The following VNN1 variants were observed in gnomAD, a reference collection of about 807,000 sequenced individuals.
VNN1 encodes pantetheinase.
Under a neutral mutation model 41.9 loss-of-function variants are expected in VNN1, and 29 were observed. The ratio of observed to expected loss-of-function variants is 0.69; its 90% CI spans 0.52 to 0.94. VNN1 has a LOEUF of 0.94. Ranked by LOEUF, VNN1 falls within the 40% of genes least tolerant of loss-of-function variation. The pLI is 0.00. For synonymous variants in VNN1, 233 were observed against 224.4 expected (o/e 1.04, Z -0.34); for missense variants, 637 against 621.1 (o/e 1.03, Z -0.27).
chr6:132,691,906 G>A (rs1778291759), intron 5 of VNN1, among the ~76,000 whole-genome samples: 1 of 151,954 alleles, frequency 6.6e-6, no homozygotes, highest in Admixed American at 6.5e-5. Context: ...TACTTGGGAG[G>A]CTGAGGCGTG....
rs1179931696 is a variant in VNN1 at position 132,690,613 on chromosome 6, A to G, written c.1188+1610T>C. On this transcript the variant is annotated intron_variant, in intron 5 of 6. Coordinates refer to ENST00000367928, the MANE Select transcript of VNN1 (RefSeq NM_004666.3). ...ATTATCTGTTCAAATGTCTTTCTCCATTACTAAAGACTGAATTCTTCAAGA... is the reference window on the plus strand; with the variant it reads ...ATTATCTGTTCAAATGTCTTTCTCCGTTACTAAAGACTGAATTCTTCAAGA... Among the ~76,000 whole-genome samples the G allele has an allele frequency of 4.6e-5, 7 of 152,360 alleles. No homozygotes were observed. In the East Asian group the frequency reaches 7.7e-4, roughly 17 times the overall value.
chr6:132,692,962 G>GTTTTTTTTTTTTTTTTT, intron 4 of VNN1, 62 bp downstream of exon 4: 1 of 1,363,582 alleles, frequency 7.3e-7, no homozygotes, highest in Non-Finnish European at 9.8e-7. Flanking sequence ...AGAAAAACAT[G>GTTTTTTTTTTTTTTTTT]TTTTTTTTTT....
At chr6:132,709,010 T>A (rs996753352) in intron 2 of VNN1, among the ~76,000 whole-genome samples, 1 of 152,190 alleles carries the variant, frequency 6.6e-6, no homozygotes, top group African/African-American at 2.4e-5. Context: ...ATCTATTGCC[T>A]CATTTCTTTC....
intron 2 of VNN1, among the ~76,000 whole-genome samples, chr6:132,700,011 A>G (rs890374236): frequency 9.2e-5 from 14 of 152,194 alleles, no homozygotes; most frequent in Non-Finnish European, 2.1e-4. Context: ...GTGTAGACCC[A>G]TGCTCAGGCT....
In VNN1 at chr6:132,683,122, A is replaced by G. The variant is rs1364339442; in HGVS notation, c.*18T>C. 6.4e-7 allele frequency: 1 copy of G among 1,566,744 alleles called. No homozygotes were observed. The highest frequency in any genetic ancestry group is 8.6e-7 in the Non-Finnish European group (1 of 1,158,194). ...TTTTTTAAATTATCCCAAATAAAAA[A>G]GAGAAAAAGTCAATATTCTACCAAC... On this transcript the variant is annotated 3_prime_UTR_variant, in exon 7 of 7. Coordinates refer to ENST00000367928, the MANE Select transcript of VNN1 (RefSeq NM_004666.3).
chr6:132,685,951 C>A (rs981869363), intron 5 of VNN1, among the ~76,000 whole-genome samples: 2 of 152,254 alleles, frequency 1.3e-5, no homozygotes, highest in Admixed American at 6.5e-5. Context: ...CCCTCCACCC[C>A]CACCCACACC....
chr6:132,695,161 A>G (rs2840819), intron 2 of VNN1, among the ~76,000 whole-genome samples: 1 of 151,518 alleles, frequency 6.6e-6, no homozygotes, highest in Non-Finnish European at 1.5e-5. Context: ...TCAAAAAAAA[A>G]TTTTTTTGAA....
In VNN1 at chr6:132,694,080, A is replaced by T. The variant is rs1562216364; in HGVS notation, c.444T>A (p.Ser148Arg). Reference sequence around the variant, plus strand: ...GGCCATCAGGGGGACACTGAGGATCACTGGTATCGCATGGCTTCTTGTCCC... The same window carrying T: ...GGCCATCAGGGGGACACTGAGGATCTCTGGTATCGCATGGCTTCTTGTCCC... Reference protein sequence around the residue: ...NIGDKKPCDTSDPQCPPDGRY... With the variant: ...NIGDKKPCDTRDPQCPPDGRY... Residue 148 changes from serine to arginine, a missense_variant, in exon 3 of 7, where the codon AGT (serine) becomes AGA (arginine). By Grantham distance (110) the Ser-to-Arg change is moderately radical. Coordinates refer to ENST00000367928, the MANE Select transcript of VNN1 (RefSeq NM_004666.3). 1 of 1,614,236 alleles carries T rather than the reference A, an allele frequency of 6.2e-7. No homozygotes were observed. Among genetic ancestry groups the T allele is most frequent in the Admixed American group, 1.7e-5 (1 of 60,032 alleles).
At chr6:132,692,962 G>GT (rs577691481) in intron 4 of VNN1, 62 bp downstream of exon 4, 19,120 of 1,251,966 alleles carry the variant, frequency 0.015, 8 homozygotes, top group East Asian at 0.036. Flanking sequence ...AGAAAAACAT[G>GT]TTTTTTTTTT....
intron 2 of VNN1, among the ~76,000 whole-genome samples, chr6:132,703,757 T>G (rs372211985): frequency 6.6e-6 from 1 of 150,926 alleles, no homozygotes; most frequent in Non-Finnish European, 1.5e-5. Flanking sequence ...AGACATAGAG[T>G]GGCTAAATGG....
intron 2 of VNN1, among the ~76,000 whole-genome samples, chr6:132,698,109 T>C (rs1053968464): frequency 2.6e-5 from 4 of 152,246 alleles, no homozygotes; most frequent in Non-Finnish European, 5.9e-5. Context: ...AATTTAGGGT[T>C]TAAAAATTCA....
chr6:132,690,445 C>T (rs1778266012), intron 5 of VNN1, among the ~76,000 whole-genome samples: 1 of 152,184 alleles, frequency 6.6e-6, no homozygotes, highest in African/African-American at 2.4e-5. Flanking sequence ...CACAAAGAAT[C>T]CCCTCCTACT....
In VNN1 at chr6:132,684,399, C is replaced by G; in HGVS notation, c.1295G>C (p.Gly432Ala). ...CACCTCAGGAAAGACATACTGGGTT[C>G]CGAAAGTGCCACTGAGGGAGAACAT... ...FEMFSLSGTF[G>A]TQYVFPEVLL... Residue 432 changes from glycine to alanine, a missense_variant, in exon 6 of 7, where the codon GGA (glycine) becomes GCA (alanine). Gly to Ala is a moderately conservative substitution (Grantham distance 60). Coordinates refer to ENST00000367928, the MANE Select transcript of VNN1 (RefSeq NM_004666.3). 1 of 1,614,008 alleles carries G rather than the reference C, an allele frequency of 6.2e-7. No individual in the cohort carries two copies. Among genetic ancestry groups the G allele is most frequent in the Non-Finnish European group, 8.5e-7 (1 of 1,179,938 alleles).
chr6:132,686,836 G>C lies in VNN1; in HGVS notation c.1189-2331C>G, dbSNP rs192008589. Among the ~76,000 whole-genome samples the C allele has an allele frequency of 2.8e-3, 430 of 152,188 alleles. 2 individuals are homozygous for C. Among genetic ancestry groups the C allele is most frequent in the African/African-American group, 9.7e-3 (404 of 41,508 alleles). ...AAAATTTCCTAAATAGCCTCAGAGAGAGAAGAAAAAATAATACATGCACAA... is the reference window on the plus strand; with the variant it reads ...AAAATTTCCTAAATAGCCTCAGAGACAGAAGAAAAAATAATACATGCACAA... On this transcript the variant is annotated intron_variant, in intron 5 of 6. Transcript: ENST00000367928.
chr6:132,691,770 G>C (rs1778287928), intron 5 of VNN1, among the ~76,000 whole-genome samples: 1 of 152,088 alleles, frequency 6.6e-6, no homozygotes, highest in Non-Finnish European at 1.5e-5. Flanking sequence ...GCTGAGGTGG[G>C]CGGATCACCT....
chr6:132,695,083 C>T (rs1778350514), intron 2 of VNN1, among the ~76,000 whole-genome samples: 1 of 152,082 alleles, frequency 6.6e-6, no homozygotes, highest in African/African-American at 2.4e-5. Context: ...TCTTGGGAGG[C>T]AGAGGTTGTG....
chr6:132,692,718 C>T (rs3798798), intron 4 of VNN1, 134 bp from the exon 5 acceptor site: 65,135 of 1,260,484 alleles, frequency 0.052, 1,878 homozygotes, highest in East Asian at 0.11. Context: ...TTCAGTAAAA[C>T]ATGCTGATAA....
intron 6 of VNN1, among the ~76,000 whole-genome samples, 159 bp from the exon 7 acceptor site, chr6:132,683,481 G>A (rs1190177338): frequency 6.6e-6 from 1 of 152,102 alleles, no homozygotes; most frequent in East Asian, 1.9e-4. Context: ...AGAAAAATTG[G>A]AGCTATGAAA....
intron 2 of VNN1, among the ~76,000 whole-genome samples, chr6:132,705,807 A>G (rs1778509894): frequency 6.6e-6 from 1 of 152,210 alleles, no homozygotes; most frequent in South Asian, 2.1e-4. Context: ...TGACAAACAA[A>G]TTCAGTAAAG....
Sources: gnomAD v4.1 joint callset for allele counts (sites outside exome capture counted in the v4.1 genomes callset) on GRCh38, gnomAD v4.1.1 for gene constraint, MANE v1.5 for transcripts, NCBI Gene and HGNC (gene_info 2026-07-23, HGNC 2026-07-21) for gene names.